Variants in RRM2 observed in about 807,000 individuals in gnomAD.
RRM2 encodes the protein ribonucleotide reductase regulatory subunit M2.
A neutral mutation model predicts 45.9 loss-of-function variants in RRM2; 6 were observed. The observed-to-expected ratio is 0.13, with a 90% CI of 0.07 to 0.26. RRM2 has a LOEUF of 0.26. Among genes scored for constraint, RRM2 ranks in the 10% least tolerant of loss-of-function variants. The pLI is 1.00. For missense variants in RRM2, 343 were observed against 489.5 expected (o/e 0.70, Z 2.82); for synonymous variants, 177 against 173.0 (o/e 1.02, Z -0.18).
At chr2:10,210,274 G>A (rs538931246) in intron 3 of RRM2, 3 of 1,327,732 alleles carry the variant, frequency 2.3e-6, no homozygotes, top group East Asian at 4.6e-5. Context: ...GGATGATCTT[G>A]GTTCAGTTAC....
chr2:10,129,450 T>G lies in RRM2; in HGVS notation c.*64T>G. Reference sequence around the variant, plus strand: ...TTTCCATCTCATAAGAAAAATCAGCTGAAGTGTTACCAACTAGCCACACCA... The same window carrying G: ...TTTCCATCTCATAAGAAAAATCAGCGGAAGTGTTACCAACTAGCCACACCA... On this transcript the variant is annotated 3_prime_UTR_variant, in exon 10 of 10. Coordinates refer to ENST00000304567, the MANE Select transcript of RRM2 (RefSeq NM_001034.4). The surrounding 1 kb of genome is among the most constrained non-coding windows in gnomAD (Gnocchi z 4.8). 1 of 1,528,618 alleles carries G rather than the reference T, an allele frequency of 6.5e-7. No homozygotes were observed. Among genetic ancestry groups the G allele is most frequent in the Non-Finnish European group, 8.9e-7 (1 of 1,129,440 alleles). 94.7% of individuals were successfully genotyped at this position (1,528,618 alleles called of 1,614,324 possible). A position where few individuals can be genotyped will look rare whatever the true frequency, so the allele number is the denominator to read the frequency against.
intron 3 of RRM2, among the ~76,000 whole-genome samples, chr2:10,182,199 G>A (rs1195943759): frequency 2.0e-5 from 3 of 152,134 alleles, no homozygotes; most frequent in African/African-American, 7.2e-5. Flanking sequence ...CTGGCTGGGT[G>A]TGGTGGTACA....
At chr2:10,196,692 A>G (rs1293224752) in intron 3 of RRM2, among the ~76,000 whole-genome samples, 1 of 152,224 alleles carries the variant, frequency 6.6e-6, no homozygotes. Context: ...AGCAGACAAG[A>G]AACAGGCAGT....
At chr2:10,159,397 A>G (rs6738180) in intron 3 of RRM2, among the ~76,000 whole-genome samples, 24,655 of 152,104 alleles carry the variant, frequency 0.16, 2,156 homozygotes, top group South Asian at 0.35. Flanking sequence ...TTTGGCTGCC[A>G]GCCTTTGCAT....
intron 3 of RRM2, among the ~76,000 whole-genome samples, chr2:10,177,985 G>A (rs1314578821): frequency 4.0e-5 from 6 of 149,706 alleles, no homozygotes; most frequent in East Asian, 2.0e-4. Context: ...GCAGTGGCGC[G>A]ATCTCGGCTC....
At chr2:10,139,761 CAG>C (rs1000229118), upstream of RRM2, among the ~76,000 whole-genome samples, 2 of 152,208 alleles carry the variant, frequency 1.3e-5, no homozygotes, top group African/African-American at 4.8e-5. Flanking sequence ...TTCTGGAACA[CAG>C]AGAGTGGTCT....
chr2:10,163,690 C>T (rs988070077), intron 3 of RRM2, among the ~76,000 whole-genome samples: 2 of 152,248 alleles, frequency 1.3e-5, no homozygotes, highest in African/African-American at 4.8e-5. Flanking sequence ...AGCCTCGGTT[C>T]CCCGGCTGCC....
rs1298997132 is a variant in RRM2, at chr2:10,172,127, G to A, written n.482+29752G>A. Reference sequence around the variant, plus strand: ...TCTGTGTTTACAGGGCATGCGTTTGGGAGCCAGACAGACCTGGGCTGAGTC... The same window carrying A: ...TCTGTGTTTACAGGGCATGCGTTTGAGAGCCAGACAGACCTGGGCTGAGTC... On this transcript the variant is annotated intron_variant and non_coding_transcript_variant, in intron 3 of 3. Transcript: ENST00000381786. This position sits in a 1 kb window ranked among gnomAD's most constrained non-coding sequence, Gnocchi z 4.9. Among the ~76,000 whole-genome samples, 1 of 152,198 alleles carries A rather than the reference G, an allele frequency of 6.6e-6. No homozygotes were observed. The highest frequency in any genetic ancestry group is 1.5e-5 in the Non-Finnish European group (1 of 68,038).
chr2:10,166,710 C>T (rs755108105), intron 3 of RRM2, among the ~76,000 whole-genome samples: 67 of 152,322 alleles, frequency 4.4e-4, no homozygotes, highest in Middle Eastern at 3.4e-3. Flanking sequence ...TTCCCTATGG[C>T]GCACCAGCTG....
chr2:10,140,136 A>G (rs1231787132), upstream of RRM2, among the ~76,000 whole-genome samples: 1 of 152,080 alleles, frequency 6.6e-6, no homozygotes, highest in Non-Finnish European at 1.5e-5. Flanking sequence ...AGTCCCAGCT[A>G]CTTGGGAGGC....
chr2:10,157,752 T>G (rs1663463979), intron 3 of RRM2, among the ~76,000 whole-genome samples: 1 of 152,204 alleles, frequency 6.6e-6, no homozygotes, highest in Admixed American at 6.5e-5. Flanking sequence ...TGCATTTCAT[T>G]TTTAAAATTA....
At chr2:10,144,086 T>C (rs1663141744) in intron 3 of RRM2, among the ~76,000 whole-genome samples, 1 of 152,202 alleles carries the variant, frequency 6.6e-6, no homozygotes, top group African/African-American at 2.4e-5. Context: ...ACAGCGCCTG[T>C]TGGGGACTCT....
chr2:10,178,832 A>C (rs1367115962), intron 3 of RRM2, among the ~76,000 whole-genome samples: 22 of 152,144 alleles, frequency 1.4e-4, no homozygotes, highest in Admixed American at 1.4e-3. Flanking sequence ...TGACCTCATG[A>C]GTAGGATTAA....
upstream of RRM2, among the ~76,000 whole-genome samples, chr2:10,136,872 T>C (rs1662997527): frequency 6.6e-6 from 1 of 151,558 alleles, no homozygotes; most frequent in Admixed American, 6.6e-5. Flanking sequence ...GGGTGAGGGG[T>C]GGGTAGAAGG....
downstream of RRM2, among the ~76,000 whole-genome samples, chr2:10,136,069 A>T (rs1662984833): frequency 6.6e-6 from 1 of 152,112 alleles, no homozygotes; most frequent in African/African-American, 2.4e-5. Context: ...TTGAGAGCTC[A>T]CATTCCTACC....
At position 10,192,088 on chromosome 2, in the gene RRM2, G is replaced by A. The variant is rs530732959; in HGVS notation, n.483-18223G>A. Among the ~76,000 whole-genome samples, 6 of 151,110 alleles carry A rather than the reference G, an allele frequency of 4.0e-5. No homozygotes were observed. The East Asian group carries it at 9.8e-4, about 25-fold the overall frequency. ...AAGCTCAGAGGCCAGGGTGGGCGGGGGCTGGAGCTGCTCTGTGACAGCCCA... is the reference window on the plus strand; with the variant it reads ...AAGCTCAGAGGCCAGGGTGGGCGGGAGCTGGAGCTGCTCTGTGACAGCCCA... On this transcript the variant is annotated intron_variant and non_coding_transcript_variant, in intron 3 of 3. Coordinates refer to the RRM2 transcript ENST00000381786.
At position 10,194,196 on chromosome 2, in the gene RRM2, G is replaced by A. The variant is rs114385757; in HGVS notation, n.483-16115G>A. Among the ~76,000 whole-genome samples the A allele has an allele frequency of 2.8e-3, 419 of 152,334 alleles. 1 individual carries two copies. Among genetic ancestry groups the A allele is most frequent in the African/African-American group, 7.2e-3 (300 of 41,576 alleles). ...TGGAAAAGCTTCGAAGAGGAAGGAGGCTGCCAGCTTCCTGGGTGCACAAGG... is the reference window on the plus strand; with the variant it reads ...TGGAAAAGCTTCGAAGAGGAAGGAGACTGCCAGCTTCCTGGGTGCACAAGG... On this transcript the variant is annotated intron_variant and non_coding_transcript_variant, in intron 3 of 3. Transcript: ENST00000381786.
chr2:10,187,528 C>T (rs962803685), intron 3 of RRM2, among the ~76,000 whole-genome samples: 4 of 152,164 alleles, frequency 2.6e-5, no homozygotes, highest in South Asian at 2.1e-4. Context: ...GAGATGTGGA[C>T]GCTCTGAGGC....
Position 10,123,041 on chromosome 2 carries a change from A to G in RRM2, c.158A>G (p.Gln53Arg). The change falls in exon 2 of 10, where the codon CAG becomes CGG. Residue 53 changes from glutamine to arginine, a missense_variant. Coordinates refer to ENST00000304567, the MANE Select transcript of RRM2 (RefSeq NM_001034.4). ...LASKTARRIF[Q>R]EPTEPKTKAA... ...AGCAAGACCGCGAGGAGGATCTTCC[A>G]GGAGCCCACGGAGCCGGTGAGTGGC... 1.3e-6 allele frequency: 2 copies of G among 1,565,870 alleles called. No individual in the cohort carries two copies. The highest frequency in any genetic ancestry group is 1.7e-6 in the Non-Finnish European group (2 of 1,163,238).
Sources: allele counts gnomAD v4.1 joint callset (sites outside exome capture counted in the v4.1 genomes callset), GRCh38; gene constraint gnomAD v4.1.1; non-coding constraint Gnocchi (gnomAD v3.1); transcripts MANE v1.5; gene names NCBI Gene and HGNC (gene_info 2026-07-23, HGNC 2026-07-21).